The following PRSS12 variants were observed in gnomAD, a reference collection of about 807,000 sequenced individuals.
PRSS12 encodes the protein serine protease 12.
Under a neutral mutation model 104.4 loss-of-function variants are expected in PRSS12, and 85 were observed. The observed-to-expected ratio is 0.81, with a 90% confidence interval of 0.68 to 0.98. PRSS12 has a LOEUF of 0.98. Ranked by LOEUF, PRSS12 falls within the 50% of genes least tolerant of loss-of-function variation. The probability of loss-of-function intolerance (pLI) is 0.00; values close to 1 mark genes in which losing one functional copy is unlikely to be tolerated. For missense variants in PRSS12, 1,141 were observed against 1,139.2 expected, an observed-to-expected ratio of 1.00 and a Z score of -0.02; for synonymous variants, 454 against 425.2, an observed-to-expected ratio of 1.07 and a Z score of -0.83.
intron 1 of PRSS12, among the ~76,000 whole-genome samples, chr4:118,343,992 T>C (rs1037210670): frequency 5.9e-5 from 9 of 152,202 alleles, no homozygotes; most frequent in African/African-American, 1.2e-4. Context: ...TTGTCTATTA[T>C]TGAACTTTAC....
At position 118,335,478 on chromosome 4, in the gene PRSS12, G is replaced by A. The variant is rs1178390307; in HGVS notation, c.815C>T (p.Ser272Phe). The change falls in exon 3 of 13, where the codon TCC becomes TTC. Residue 272 changes from serine to phenylalanine, a missense_variant. Ser to Phe is a radical substitution (Grantham distance 155). Coordinates refer to ENST00000296498, the MANE Select transcript of PRSS12 (RefSeq NM_003619.4). Reference sequence around the variant, plus strand: ...AACTTTTTTCTTTTTTTTACCATGGGAAAAGCTACACGTGACAGCAGCTGC... The same window carrying A: ...AACTTTTTTCTTTTTTTTACCATGGAAAAAGCTACACGTGACAGCAGCTGC... ...KMAAAVTCSF[S>F]HGPTFPIIRL... 4 of 1,613,688 alleles carry A rather than the reference G, an allele frequency of 2.5e-6. No homozygotes were observed. The highest frequency in any genetic ancestry group is 2.5e-6 in the Non-Finnish European group (3 of 1,179,846).
Position 118,298,632 on chromosome 4 carries a change from G to C in PRSS12, c.1837+101C>G. On this transcript the variant is annotated intron_variant, in intron 9 of 12. Transcript: ENST00000296498. ...TAGCACAAGACATGGATCTGTATAC[G>C]TTCTTGTTGTACTAGATTTCTGTTA... is the stretch of plus-strand genomic sequence containing the variant. The C allele has an allele frequency of 3.4e-6, 4 of 1,193,544 alleles. No individual in the cohort carries two copies. The South Asian group carries it at 5.0e-5, about 15-fold the overall frequency. 73.9% of individuals were successfully genotyped at this position (1,193,544 alleles called of 1,614,324 possible). A position where few individuals can be genotyped will look rare whatever the true frequency, so the allele number is the denominator to read the frequency against.
chr4:118,280,508 T>C lies in PRSS12; in HGVS notation c.*1428A>G, dbSNP rs560942413. 2.6e-5 allele frequency: 4 copies of C among 152,338 alleles called. No homozygotes were observed. Among genetic ancestry groups the C allele is most frequent in the East Asian group, 1.9e-4 (1 of 5,178 alleles). 9.4% of individuals were successfully genotyped at this position (152,338 alleles called of 1,614,324 possible). ...CACCAGTTATTACAGAAATGGGGAT[T>C]TGTGAAAAGGATGTAATTTGATGTA... On this transcript the variant is annotated 3_prime_UTR_variant, in exon 13 of 13. Transcript: ENST00000296498.
At chr4:118,346,220 C>G (rs768686678) in intron 1 of PRSS12, among the ~76,000 whole-genome samples, 1 of 152,140 alleles carries the variant, frequency 6.6e-6, no homozygotes, top group Non-Finnish European at 1.5e-5. Flanking sequence ...ATGCTGGAGT[C>G]TGCCCATCAC....
At chr4:118,289,992 T>C (rs1300781687) in intron 11 of PRSS12, among the ~76,000 whole-genome samples, 1 of 152,182 alleles carries the variant, frequency 6.6e-6, no homozygotes, top group African/African-American at 2.4e-5. Context: ...AGTTTGAAAA[T>C]ATCATCATCC....
At chr4:118,334,486 C>T (rs1724012015) in intron 3 of PRSS12, among the ~76,000 whole-genome samples, 2 of 151,888 alleles carry the variant, frequency 1.3e-5, no homozygotes, top group African/African-American at 4.8e-5. Context: ...TAGCATTACC[C>T]AAAGGTAGAG....
At chr4:118,301,348 T>C (rs575642821) in intron 8 of PRSS12, among the ~76,000 whole-genome samples, 3 of 152,174 alleles carry the variant, frequency 2.0e-5, no homozygotes, top group African/African-American at 7.2e-5. Flanking sequence ...TCATCTCACA[T>C]GAATTAAAGT....
intron 1 of PRSS12, among the ~76,000 whole-genome samples, chr4:118,338,569 T>C (rs1055446673): frequency 6.6e-6 from 1 of 152,188 alleles, no homozygotes; most frequent in Admixed American, 6.5e-5. Flanking sequence ...GACAGTCCTA[T>C]TATAATTTTT....
intron 9 of PRSS12, among the ~76,000 whole-genome samples, chr4:118,297,330 GT>G (rs1275221306): frequency 2.0e-5 from 3 of 151,952 alleles, no homozygotes; most frequent in Admixed American, 2.0e-4. Context: ...TATAAATAAT[GT>G]TTTTTATGTT....
intron 8 of PRSS12, among the ~76,000 whole-genome samples, chr4:118,300,888 C>T (rs1188143380): frequency 6.6e-6 from 1 of 151,998 alleles, no homozygotes; most frequent in Non-Finnish European, 1.5e-5. Context: ...CAAACTTTGG[C>T]AAAGAAAACT....
intron 1 of PRSS12, among the ~76,000 whole-genome samples, chr4:118,341,820 ACTGACCTTCTAC>A (rs1009395438): frequency 1.3e-5 from 2 of 152,246 alleles, no homozygotes; most frequent in African/African-American, 4.8e-5. Context: ...TGCCCTGGTT[ACTGACCTTCTAC>A]CTCCAAACTT....
intron 5 of PRSS12, among the ~76,000 whole-genome samples, chr4:118,316,597 G>A (rs1049321654): frequency 2.6e-5 from 4 of 151,780 alleles, no homozygotes; most frequent in African/African-American, 9.7e-5. Flanking sequence ...TGAGGCAGGT[G>A]GATCACCTGA....
intron 11 of PRSS12, among the ~76,000 whole-genome samples, chr4:118,283,895 A>G (rs1016294414): frequency 6.6e-6 from 1 of 152,174 alleles, no homozygotes; most frequent in Non-Finnish European, 1.5e-5. Context: ...TCACTGATTA[A>G]TCTAAAACAC....
chr4:118,343,823 T>C (rs1223315195), intron 1 of PRSS12, among the ~76,000 whole-genome samples: 1 of 152,162 alleles, frequency 6.6e-6, no homozygotes, highest in African/African-American at 2.4e-5. Flanking sequence ...ATAGCATTCC[T>C]TAATTTAAAG....
intron 1 of PRSS12, among the ~76,000 whole-genome samples, chr4:118,349,122 A>G (rs1332954145): frequency 2.0e-5 from 3 of 152,130 alleles, no homozygotes; most frequent in African/African-American, 4.8e-5. Context: ...TTCACCATGG[A>G]GACACCAACT....
intron 5 of PRSS12, 90 bp from the exon 6 acceptor site, chr4:118,316,413 A>C: frequency 6.5e-7 from 1 of 1,529,028 alleles, no homozygotes; most frequent in Non-Finnish European, 9.0e-7. Flanking sequence ...ATATCACCAT[A>C]TTCAGGCCTC....
intron 4 of PRSS12, among the ~76,000 whole-genome samples, chr4:118,328,403 A>G (rs1723834650): frequency 6.6e-6 from 1 of 152,226 alleles, no homozygotes; most frequent in African/African-American, 2.4e-5. Context: ...TGTTTGAGAA[A>G]GGCGTTAATA....
rs1553959294 is a variant in PRSS12, at chr4:118,352,293, C to T, written c.428G>A (p.Gly143Asp). The T allele has an allele frequency of 1.9e-6, 3 of 1,605,716 alleles. No homozygotes were observed. Among genetic ancestry groups the T allele is most frequent in the Non-Finnish European group, 2.5e-6 (3 of 1,177,786 alleles). ...QRHNFCRSPD[G>D]AGRPWCFYGD... ...GTAGAAACACCAGGGTCTGCCCGCG[C>T]CGTCGGGGCTCCGACAAAAGTTGTG... Residue 143 changes from glycine to aspartate, a missense_variant, in exon 1 of 13, where the codon GGC becomes GAC. Coordinates refer to ENST00000296498, the MANE Select transcript of PRSS12 (RefSeq NM_003619.4).
At chr4:118,304,199 T>C (rs1353115990) in intron 8 of PRSS12, among the ~76,000 whole-genome samples, 1 of 151,762 alleles carries the variant, frequency 6.6e-6, no homozygotes, top group African/African-American at 2.4e-5. Flanking sequence ...TATGTGTGTG[T>C]ATATATACAT....
Sources: allele counts gnomAD v4.1 joint callset (sites outside exome capture counted in the v4.1 genomes callset), GRCh38; gene constraint gnomAD v4.1.1; transcripts MANE v1.5; gene names NCBI Gene and HGNC (gene_info 2026-07-23, HGNC 2026-07-21).